Variants in SOX5 observed in about 807,000 individuals in gnomAD.
The protein encoded by SOX5 is transcription factor SOX-5.
Under a neutral mutation model 92.0 loss-of-function variants are expected in SOX5, and 9 were observed. That is an observed-to-expected ratio of 0.10 (90% CI 0.06 to 0.17). The LOEUF (loss-of-function observed/expected upper bound fraction) is 0.17. SOX5 is among the 10% of genes least tolerant of loss of function. SOX5 has a pLI of 1.00. For synonymous variants in SOX5, 344 were observed against 336.3 expected (o/e 1.02, Z -0.25); for missense variants, 642 against 944.5 (o/e 0.68, Z 4.20).
chr12:23,818,763 C>T (rs1227250305), intron 3 of SOX5, among the ~76,000 whole-genome samples: 2 of 152,066 alleles, frequency 1.3e-5, no homozygotes, highest in African/African-American at 2.4e-5. Context: ...TATCCTTATT[C>T]TATGAGCTAT....
intron 2 of SOX5, among the ~76,000 whole-genome samples, chr12:24,328,290 G>T (rs1197544616): frequency 6.6e-6 from 1 of 152,116 alleles, no homozygotes; most frequent in Non-Finnish European, 1.5e-5. Flanking sequence ...GGACTTCTTG[G>T]AGGGCTCTGG....
At chr12:24,409,264 T>G (rs1050347258) in intron 1 of SOX5, among the ~76,000 whole-genome samples, 4 of 152,024 alleles carry the variant, frequency 2.6e-5, no homozygotes, top group Non-Finnish European at 5.9e-5. Context: ...TTCTCACTCA[T>G]AAGTGGGAGT....
chr12:23,648,392 T>G (rs2081144136), intron 7 of SOX5, among the ~76,000 whole-genome samples: 1 of 152,224 alleles, frequency 6.6e-6, no homozygotes, highest in Non-Finnish European at 1.5e-5. Flanking sequence ...TGTCATGGAT[T>G]GAATTATGTC....
At chr12:24,515,853 C>A (rs563550710) in intron 1 of SOX5, among the ~76,000 whole-genome samples, 2 of 152,244 alleles carry the variant, frequency 1.3e-5, no homozygotes, top group African/African-American at 4.8e-5. Flanking sequence ...GTTTTGTAAG[C>A]TGAAATATAC....
chr12:24,218,229 GT>G (rs1056949266), intron 3 of SOX5, among the ~76,000 whole-genome samples: 1 of 152,044 alleles, frequency 6.6e-6, no homozygotes, highest in South Asian at 2.1e-4. Context: ...TAATCTAAAT[GT>G]TTTTTTAACT....
At chr12:23,690,448 A>G (rs1373432988) in intron 6 of SOX5, among the ~76,000 whole-genome samples, 1 of 152,208 alleles carries the variant, frequency 6.6e-6, no homozygotes, top group African/African-American at 2.4e-5. Context: ...TTACAAAGAC[A>G]TGGTCTAATC....
chr12:24,417,209 C>A (rs1965169832), intron 1 of SOX5, among the ~76,000 whole-genome samples: 1 of 152,162 alleles, frequency 6.6e-6, no homozygotes, highest in Admixed American at 6.5e-5. Context: ...GAGACTGATG[C>A]CTAGAGACAT....
rs1447274916 is a variant in SOX5 at position 23,959,648 on chromosome 12, A to G, written c.-1-63624T>C. ...AATGACGATATCTAAGGAAAGGGCT[A>G]CCCCCTCCATGATCTATAAAGAGCT... On this transcript the variant is annotated intron_variant, in intron 4 of 4. Transcript: ENST00000446891. Among the ~76,000 whole-genome samples, 5 of 152,094 alleles carry G rather than the reference A, an allele frequency of 3.3e-5. No individual in the cohort carries two copies. In the East Asian group the frequency reaches 7.7e-4, roughly 23 times the overall value.
At chr12:24,060,313 G>A (rs937021910) in intron 4 of SOX5, among the ~76,000 whole-genome samples, 1 of 152,152 alleles carries the variant, frequency 6.6e-6, no homozygotes, top group Admixed American at 6.5e-5. Context: ...CAAGGCCACA[G>A]AGCTAGGAAG....
intron 2 of SOX5, among the ~76,000 whole-genome samples, chr12:23,894,122 C>A (rs910336907): frequency 6.6e-6 from 1 of 152,096 alleles, no homozygotes; most frequent in Admixed American, 6.6e-5. Flanking sequence ...AATAATAATA[C>A]CTCACTGAAT....
chr12:24,487,088 A>T (rs1220487840), intron 1 of SOX5, among the ~76,000 whole-genome samples: 1 of 152,168 alleles, frequency 6.6e-6, no homozygotes, highest in East Asian at 1.9e-4. Context: ...TCACTATTAT[A>T]TCAATCCACG....
At chr12:23,832,351 ACTGTTGAGTTCATTATTGTT>A (rs1364922711) in intron 3 of SOX5, among the ~76,000 whole-genome samples, 32 of 152,206 alleles carry the variant, frequency 2.1e-4, no homozygotes, top group African/African-American at 7.7e-4. Context: ...GATTTTTATG[ACTGTTGAGTTCATTATTGTT>A]CTTGTTCTTG....
chr12:24,383,609 C>A (rs564072098), intron 1 of SOX5, among the ~76,000 whole-genome samples: 2 of 152,348 alleles, frequency 1.3e-5, no homozygotes, highest in African/African-American at 4.8e-5. Flanking sequence ...GTCTATGCCA[C>A]CTGCCTGTTA....
intron 1 of SOX5, among the ~76,000 whole-genome samples, chr12:24,418,736 C>A (rs1965436774): frequency 6.6e-6 from 1 of 152,034 alleles, no homozygotes; most frequent in South Asian, 2.1e-4. Flanking sequence ...GACTCTTTTT[C>A]AAAAAATACC....
intron 3 of SOX5, among the ~76,000 whole-genome samples, chr12:23,824,809 C>T (rs886166660): frequency 1.7e-4 from 26 of 152,200 alleles, no homozygotes; most frequent in African/African-American, 6.3e-4. Context: ...TCTAGAGAGG[C>T]AGTCTGGCTA....
intron 4 of SOX5, among the ~76,000 whole-genome samples, chr12:24,085,973 T>A (rs1593017725): frequency 6.6e-6 from 1 of 150,856 alleles, no homozygotes. Flanking sequence ...AAAAAAAAAG[T>A]ATTTGAAATT....
chr12:23,804,915 TTATATATATATATATATATATATA>T (rs528741802), intron 3 of SOX5, among the ~76,000 whole-genome samples: 6,000 of 75,094 alleles, frequency 0.08, 550 homozygotes, highest in South Asian at 0.18. Flanking sequence ...TATCATTGTT[TTATATATATATATATATATATATA>T]TATATATATA....
At chr12:24,448,068 G>C (rs1427086715) in intron 1 of SOX5, among the ~76,000 whole-genome samples, 1 of 152,154 alleles carries the variant, frequency 6.6e-6, no homozygotes, top group Non-Finnish European at 1.5e-5. Flanking sequence ...TGTAGTCCCA[G>C]CTACTTGGGA....
At chr12:24,355,709 T>A (rs1014564229) in intron 2 of SOX5, among the ~76,000 whole-genome samples, 1 of 152,252 alleles carries the variant, frequency 6.6e-6, no homozygotes, top group African/African-American at 2.4e-5. Context: ...ATGAAAAGTA[T>A]TCATCACTGG....
Sources: gnomAD v4.1 joint callset for allele counts (sites outside exome capture counted in the v4.1 genomes callset) on GRCh38, gnomAD v4.1.1 for gene constraint, MANE v1.5 for transcripts, NCBI Gene and HGNC (gene_info 2026-07-23, HGNC 2026-07-21) for gene names.